KCNQ3: variants seen among roughly 807,000 people sequenced by gnomAD.
The protein encoded by KCNQ3 is potassium voltage-gated channel subfamily Q member 3, also known as potassium voltage-gated channel subfamily KQT member 3.
Under a neutral mutation model 92.5 loss-of-function variants are expected in KCNQ3, and 30 were observed. That is an observed-to-expected ratio of 0.32 (90% CI 0.24 to 0.44). KCNQ3 has a LOEUF of 0.44. KCNQ3 is among the 20% of genes least tolerant of loss of function. The pLI is 1.00. For missense variants in KCNQ3, 913 were observed against 1,140.3 expected, an observed-to-expected ratio of 0.80 and a Z score of 2.87; for synonymous variants, 450 against 468.8, an observed-to-expected ratio of 0.96 and a Z score of 0.52.
chr8:132,300,782 C>T (rs896747064), intron 1 of KCNQ3, among the ~76,000 whole-genome samples: 1 of 152,180 alleles, frequency 6.6e-6, no homozygotes, highest in South Asian at 2.1e-4. Flanking sequence ...ACCTGCCCAA[C>T]TCTGGCAGGT....
At chr8:132,413,549 C>T (rs1820711307) in intron 1 of KCNQ3, among the ~76,000 whole-genome samples, 1 of 152,192 alleles carries the variant, frequency 6.6e-6, no homozygotes, top group Non-Finnish European at 1.5e-5. Context: ...CATTTATCTC[C>T]ATTCCCCATG....
chr8:132,148,376 C>T (rs1054155384), intron 9 of KCNQ3, among the ~76,000 whole-genome samples: 3 of 152,182 alleles, frequency 2.0e-5, no homozygotes, highest in African/African-American at 7.2e-5. Context: ...GCTGGGATTA[C>T]AGGCACACAC....
chr8:132,168,935 T>C (rs552034836), intron 8 of KCNQ3, among the ~76,000 whole-genome samples: 53 of 152,192 alleles, frequency 3.5e-4, no homozygotes, highest in Non-Finnish European at 6.8e-4. Context: ...TCTATGTTTC[T>C]TTCCAAGTCA....
chr8:132,145,199 T>C (rs1265975697), intron 9 of KCNQ3, among the ~76,000 whole-genome samples: 1 of 152,230 alleles, frequency 6.6e-6, no homozygotes, highest in Non-Finnish European at 1.5e-5. Flanking sequence ...AAAAACTGAA[T>C]GGTAAGCTTT....
chr8:132,201,757 T>C (rs1006685202), intron 1 of KCNQ3, among the ~76,000 whole-genome samples: 44 of 152,272 alleles, frequency 2.9e-4, no homozygotes, highest in Non-Finnish European at 4.6e-4. Context: ...TAGAGCCTCA[T>C]GCCTGCTAGA....
chr8:132,393,505 G>A (rs1466742337), intron 1 of KCNQ3, among the ~76,000 whole-genome samples: 2 of 152,180 alleles, frequency 1.3e-5, no homozygotes, highest in African/African-American at 2.4e-5. Flanking sequence ...ACAAAAACAG[G>A]TGGTGAGTCG....
intron 1 of KCNQ3, among the ~76,000 whole-genome samples, chr8:132,350,770 T>A (rs1212657607): frequency 6.6e-6 from 1 of 152,194 alleles, no homozygotes; most frequent in South Asian, 2.1e-4. Flanking sequence ...TAGGCAGCCA[T>A]GGAGGAAATG....
chr8:132,454,032 A>G (rs1466482731), intron 1 of KCNQ3, among the ~76,000 whole-genome samples: 1 of 151,830 alleles, frequency 6.6e-6, no homozygotes, highest in Non-Finnish European at 1.5e-5. Flanking sequence ...CATGCCTAAC[A>G]CCATGCCTGG....
chr8:132,168,540 G>A (rs918469192), intron 8 of KCNQ3, among the ~76,000 whole-genome samples: 14 of 152,086 alleles, frequency 9.2e-5, no homozygotes, highest in Non-Finnish European at 1.3e-4. Flanking sequence ...GGTGTGTGGC[G>A]GTGGTGATCA....
intron 1 of KCNQ3, among the ~76,000 whole-genome samples, chr8:132,408,947 C>A (rs935333461): frequency 6.6e-6 from 1 of 152,160 alleles, no homozygotes; most frequent in Non-Finnish European, 1.5e-5. Flanking sequence ...TTGACTTCTG[C>A]CACATGAGAC....
chr8:132,370,017 C>G (rs909142685), intron 1 of KCNQ3, among the ~76,000 whole-genome samples: 1 of 152,266 alleles, frequency 6.6e-6, no homozygotes, highest in African/African-American at 2.4e-5. Context: ...TTCCACTCAT[C>G]TTTTAAGACT....
intron 1 of KCNQ3, among the ~76,000 whole-genome samples, chr8:132,408,782 C>T (rs2721892): frequency 7.9e-5 from 12 of 152,152 alleles, no homozygotes; most frequent in Non-Finnish European, 2.9e-5. Flanking sequence ...GCAAAGGGCA[C>T]TAGGCAGCTA....
intron 1 of KCNQ3, among the ~76,000 whole-genome samples, chr8:132,361,082 A>C (rs1328091770): frequency 6.6e-6 from 1 of 152,158 alleles, no homozygotes; most frequent in Non-Finnish European, 1.5e-5. Context: ...AGCTTCCCAA[A>C]TTCCAGCTTG....
intron 1 of KCNQ3, among the ~76,000 whole-genome samples, chr8:132,348,828 G>A (rs1267740878): frequency 6.6e-6 from 1 of 152,180 alleles, no homozygotes; most frequent in Non-Finnish European, 1.5e-5. Flanking sequence ...CACATATGTG[G>A]TAGTGAATGT....
At chr8:132,134,219 G>T (rs1165229319) in intron 13 of KCNQ3, 71 bp downstream of exon 13, 3 of 1,102,432 alleles carry the variant, frequency 2.7e-6, no homozygotes, top group Non-Finnish European at 4.2e-6. Flanking sequence ...GACCCCAGCA[G>T]AGGTTTGGGG....
intron 9 of KCNQ3, among the ~76,000 whole-genome samples, chr8:132,154,213 T>TTTG (rs59178662): frequency 2.8e-5 from 4 of 142,216 alleles, no homozygotes; most frequent in South Asian, 4.8e-4. Flanking sequence ...TTTTTTTTTT[T>TTTG]TTTTTTTTTT....
At chr8:132,133,920 C>T (rs34719956) in intron 13 of KCNQ3, among the ~76,000 whole-genome samples, 20,500 of 152,142 alleles carry the variant, frequency 0.13, 1,636 homozygotes, top group Non-Finnish European at 0.17. Flanking sequence ...GGGTATCAAT[C>T]AACTCAAAGG....
rs529386360 is a variant in KCNQ3, at chr8:132,255,117, C to G, written c.387-68936G>C. ...CCTATTCCTCCAATGCCCCCTCCCC[C>G]CCACCTCATGATAGCCTTAAAAACC... On this transcript the variant is annotated intron_variant, in intron 1 of 14. Transcript: ENST00000388996. Among the ~76,000 whole-genome samples, 3 of 152,000 alleles carry G rather than the reference C, an allele frequency of 2.0e-5. No individual in the cohort carries two copies. In the South Asian group the frequency reaches 6.2e-4, roughly 32 times the overall value.
intron 1 of KCNQ3, among the ~76,000 whole-genome samples, chr8:132,380,768 A>C (rs1462543938): frequency 6.6e-6 from 1 of 152,030 alleles, no homozygotes; most frequent in Admixed American, 6.5e-5. Flanking sequence ...TTCACGGAAT[A>C]GCCTGCCTGT....
Sources: gnomAD v4.1 joint callset for allele counts (sites outside exome capture counted in the v4.1 genomes callset) on GRCh38, gnomAD v4.1.1 for gene constraint, MANE v1.5 for transcripts, NCBI Gene and HGNC (gene_info 2026-07-23, HGNC 2026-07-21) for gene names.